Variants in MAPK10 observed in about 807,000 individuals in gnomAD.
MAPK10 encodes the protein JNK3 alpha protein kinase.
In MAPK10, 25 loss-of-function variants were observed where a neutral mutation model predicts 59.3. That is an observed-to-expected ratio of 0.42 (90% CI 0.31 to 0.59). The LOEUF (loss-of-function observed/expected upper bound fraction) is 0.59. Ranked by LOEUF, MAPK10 falls within the 20% of genes least tolerant of loss-of-function variation. The probability of loss-of-function intolerance (pLI) is 0.15; values close to 1 mark genes in which losing one functional copy is unlikely to be tolerated. For missense variants in MAPK10, 351 were observed against 568.9 expected (o/e 0.62, Z 3.90); for synonymous variants, 190 against 200.5 (o/e 0.95, Z 0.44).
intron 11 of MAPK10, among the ~76,000 whole-genome samples, chr4:86,046,161 T>C (rs2042458494): frequency 6.6e-6 from 1 of 151,840 alleles, no homozygotes; most frequent in African/African-American, 2.4e-5. Context: ...TTTTGTATCC[T>C]GAGACTTTGC....
intron 9 of MAPK10, 59 bp downstream of exon 9, chr4:86,098,465 G>A (rs2054646626): frequency 1.2e-6 from 2 of 1,607,258 alleles, no homozygotes; most frequent in Non-Finnish European, 1.7e-6. Flanking sequence ...AAATCATTAT[G>A]TGTTTAAAAG....
At chr4:86,082,234 A>G (rs1025652004) in intron 9 of MAPK10, 2 of 152,188 alleles carry the variant, frequency 1.3e-5, no homozygotes, top group Non-Finnish European at 2.9e-5. Context: ...TGGAGCACAT[A>G]AAAATATTTG....
In MAPK10 at chr4:86,549,410, A is replaced by G. The variant is rs566026278; in HGVS notation, c.-263+44500T>C. On this transcript the variant is annotated intron_variant, in intron 1 of 4. Transcript: ENST00000502302. ...CCTGCACAGTATGTTATTGTACTGA[A>G]TATGGTAGGGAATTGTAACACAATG... Among the ~76,000 whole-genome samples, 27 of 152,350 alleles carry G rather than the reference A, an allele frequency of 1.8e-4. 1 individual carries two copies. The South Asian group carries it at 5.6e-3, about 32-fold the overall frequency.
rs546921172 is a variant in MAPK10 at position 86,467,581 on chromosome 4, G to T, written c.-262-112937C>A. ...TGTCACCAGGCTGGAGTGGAGTGGC[G>T]CAATCTTGGCTCACTGCAACCTCCG... On this transcript the variant is annotated intron_variant, in intron 1 of 4. Coordinates refer to the MAPK10 transcript ENST00000502302. Among the ~76,000 whole-genome samples, 240 of 152,146 alleles carry T rather than the reference G, an allele frequency of 1.6e-3. 2 individuals carry two copies. Among genetic ancestry groups the T allele is most frequent in the African/African-American group, 5.5e-3 (228 of 41,524 alleles).
intron 4 of MAPK10, among the ~76,000 whole-genome samples, chr4:86,117,376 C>A (rs2058447834): frequency 6.6e-6 from 1 of 152,212 alleles, no homozygotes; most frequent in South Asian, 2.1e-4. Context: ...GATCACTACA[C>A]CCTGTCTTAA....
chr4:86,465,015 G>C (rs1445860777), intron 1 of MAPK10, among the ~76,000 whole-genome samples: 1 of 152,226 alleles, frequency 6.6e-6, no homozygotes, highest in African/African-American at 2.4e-5. Flanking sequence ...TATCTGGAAA[G>C]AAGCTAAAGC....
At chr4:86,100,903 C>T in intron 8 of MAPK10, 149 bp downstream of exon 8, 1 of 594,430 alleles carries the variant, frequency 1.7e-6, no homozygotes, top group Non-Finnish European at 2.9e-6. Context: ...TGTTTCTTAC[C>T]AGTAGTATTA....
intron 2 of MAPK10, among the ~76,000 whole-genome samples, chr4:86,234,192 C>A (rs1293875267): frequency 6.6e-6 from 1 of 151,570 alleles, no homozygotes; most frequent in Non-Finnish European, 1.5e-5. Context: ...ACAATAACAA[C>A]AAAAAAATCT....
At chr4:86,316,444 T>C (rs1330344183) in intron 2 of MAPK10, among the ~76,000 whole-genome samples, 2 of 152,156 alleles carry the variant, frequency 1.3e-5, no homozygotes, top group East Asian at 3.8e-4. Context: ...TATGTACAAA[T>C]TATCCTTTCC....
intron 1 of MAPK10, among the ~76,000 whole-genome samples, chr4:86,449,860 A>G (rs1384653233): frequency 6.6e-6 from 1 of 152,226 alleles, no homozygotes; most frequent in Non-Finnish European, 1.5e-5. Context: ...TAGGCGCACA[A>G]AGGGCAGCCT....
intron 4 of MAPK10, among the ~76,000 whole-genome samples, chr4:86,146,586 C>A (rs1391178677): frequency 3.9e-5 from 6 of 152,192 alleles, no homozygotes; most frequent in Non-Finnish European, 8.8e-5. Flanking sequence ...CGCACCACTT[C>A]CAGGCCTGGC....
intron 1 of MAPK10, among the ~76,000 whole-genome samples, chr4:86,452,758 C>T (rs969672229): frequency 6.6e-6 from 1 of 152,074 alleles, no homozygotes; most frequent in Admixed American, 6.6e-5. Context: ...GGACGGGAGG[C>T]AGGACTGGAC....
At chr4:86,379,144 T>C (rs1018358014) in intron 1 of MAPK10, among the ~76,000 whole-genome samples, 1 of 152,188 alleles carries the variant, frequency 6.6e-6, no homozygotes, top group African/African-American at 2.4e-5. Context: ...TTATTTCCCA[T>C]GTTAAGGATC....
intron 1 of MAPK10, among the ~76,000 whole-genome samples, chr4:86,513,568 A>C (rs1180271321): frequency 6.6e-6 from 1 of 152,188 alleles, no homozygotes; most frequent in Non-Finnish European, 1.5e-5. Flanking sequence ...TAAACACAAA[A>C]GGAGAAAACA....
intron 1 of MAPK10, chr4:86,356,565 A>G: frequency 2.1e-6 from 1 of 474,262 alleles, no homozygotes; most frequent in Non-Finnish European, 2.8e-6. Flanking sequence ...CAGGTTTTGT[A>G]TTTTCCCCTT....
At position 86,335,676 on chromosome 4, in the gene MAPK10, T is replaced by C. The variant is rs760160334; in HGVS notation, c.-7+18854A>G. Among the ~76,000 whole-genome samples, 5 of 151,854 alleles carry C rather than the reference T, an allele frequency of 3.3e-5. No individual in the cohort carries two copies. In the South Asian group the frequency reaches 8.3e-4, roughly 25 times the overall value. ...CTGGGTAATTGATAAAGAAAAGAGGTTTAATGGACTTACAGTTCCACATGG... is the reference window on the plus strand; with the variant it reads ...CTGGGTAATTGATAAAGAAAAGAGGCTTAATGGACTTACAGTTCCACATGG... On this transcript the variant is annotated intron_variant, in intron 2 of 13. Coordinates refer to ENST00000641462, the MANE Select transcript of MAPK10 (RefSeq NM_138982.4).
Position 86,318,083 on chromosome 4 carries a change from T to G in MAPK10, c.-7+36447A>C, listed in dbSNP as rs574618730. Among the ~76,000 whole-genome samples the G allele has an allele frequency of 2.4e-4, 36 of 152,282 alleles. No individual in the cohort carries two copies. The East Asian group carries it at 6.9e-3, about 29-fold the overall frequency. ...TCATAAGGACACCAATTATATTGGA[T>G]TTAGGGGCCCTCTCAAATCCAGTAG... On this transcript the variant is annotated intron_variant, in intron 2 of 13. Coordinates refer to ENST00000641462, the MANE Select transcript of MAPK10 (RefSeq NM_138982.4).
chr4:86,289,384 T>C (rs1167623727), intron 2 of MAPK10, among the ~76,000 whole-genome samples: 1 of 152,072 alleles, frequency 6.6e-6, no homozygotes. Context: ...ATCAGATTTT[T>C]ATTTTTAAAA....
chr4:86,345,562 T>A (rs1727645634), intron 2 of MAPK10, among the ~76,000 whole-genome samples: 1 of 152,206 alleles, frequency 6.6e-6, no homozygotes. Context: ...GGTGTCTTAG[T>A]CACTTTAGAA....
Sources: gnomAD v4.1 joint callset for allele counts (sites outside exome capture counted in the v4.1 genomes callset) on GRCh38, gnomAD v4.1.1 for gene constraint, MANE v1.5 for transcripts, NCBI Gene and HGNC (gene_info 2026-07-23, HGNC 2026-07-21) for gene names.